LRRTM4: variants seen among roughly 807,000 people sequenced by gnomAD.
The protein encoded by LRRTM4 is leucine-rich repeat transmembrane neuronal protein 4.
Under a neutral mutation model 47.6 loss-of-function variants are expected in LRRTM4, and 25 were observed. The observed-to-expected ratio is 0.53, with a 90% CI of 0.38 to 0.73. LRRTM4 has a LOEUF of 0.73. LRRTM4 is among the 30% of genes least tolerant of loss of function. The probability of loss-of-function intolerance (pLI) is 0.00; values close to 1 mark genes in which losing one functional copy is unlikely to be tolerated. For missense variants in LRRTM4, 638 were observed against 713.4 expected, an observed-to-expected ratio of 0.89 and a Z score of 1.20; for synonymous variants, 311 against 269.5, an observed-to-expected ratio of 1.15 and a Z score of -1.51.
intron 3 of LRRTM4, among the ~76,000 whole-genome samples, chr2:77,087,836 G>C (rs923068131): frequency 1.3e-5 from 2 of 152,142 alleles, no homozygotes; most frequent in Admixed American, 1.3e-4. Flanking sequence ...TTTAAAATGT[G>C]CTAAATAACT....
intron 3 of LRRTM4, among the ~76,000 whole-genome samples, chr2:77,361,192 C>T (rs992637148): frequency 6.6e-6 from 1 of 151,644 alleles, no homozygotes; most frequent in Non-Finnish European, 1.5e-5. Flanking sequence ...TCATGTGTTT[C>T]ACCCACTCAC....
At chr2:77,337,342 T>C (rs1211759196) in intron 3 of LRRTM4, among the ~76,000 whole-genome samples, 1 of 152,092 alleles carries the variant, frequency 6.6e-6, no homozygotes, top group Non-Finnish European at 1.5e-5. Flanking sequence ...ATTATCAATG[T>C]CATTTTTTAA....
At chr2:77,435,059 C>T (rs573527002) in intron 3 of LRRTM4, among the ~76,000 whole-genome samples, 1 of 152,054 alleles carries the variant, frequency 6.6e-6, no homozygotes, top group African/African-American at 2.4e-5. Context: ...TGTTTAGCAA[C>T]ATGCCTAGCC....
intron 3 of LRRTM4, among the ~76,000 whole-genome samples, chr2:76,794,155 A>T (rs1448837867): frequency 2.0e-5 from 3 of 151,902 alleles, no homozygotes; most frequent in African/African-American, 7.3e-5. Context: ...GTTCATATGT[A>T]GGCCAGAGGT....
intron 3 of LRRTM4, among the ~76,000 whole-genome samples, chr2:76,911,278 T>C (rs976419577): frequency 7.9e-5 from 12 of 152,186 alleles, no homozygotes; most frequent in Non-Finnish European, 1.8e-4. Flanking sequence ...CCTCATCCCA[T>C]CATTTGTTAA....
intron 3 of LRRTM4, among the ~76,000 whole-genome samples, chr2:76,830,515 CGTGTGTGTGTGTGT>C (rs57566911): frequency 2.8e-5 from 4 of 144,088 alleles, no homozygotes; most frequent in South Asian, 4.4e-4. Context: ...GCAGTGTGTG[CGTGTGTGTGTGTGT>C]GTGTGTGTGT....
At chr2:77,041,446 G>T (rs1679029594) in intron 3 of LRRTM4, among the ~76,000 whole-genome samples, 1 of 151,428 alleles carries the variant, frequency 6.6e-6, no homozygotes, top group East Asian at 1.9e-4. Flanking sequence ...TAGTGAGACA[G>T]CCAGATCATA....
intron 3 of LRRTM4, among the ~76,000 whole-genome samples, chr2:77,096,749 G>C (rs1039891512): frequency 6.6e-6 from 1 of 151,292 alleles, no homozygotes; most frequent in Non-Finnish European, 1.5e-5. Flanking sequence ...TCTATTATTG[G>C]GAAAAATGAA....
intron 3 of LRRTM4, among the ~76,000 whole-genome samples, chr2:76,929,722 G>C (rs975258186): frequency 2.6e-5 from 4 of 152,218 alleles, no homozygotes; most frequent in Middle Eastern, 3.4e-3. Context: ...ATAATAAAAT[G>C]AGTGTTTACC....
At chr2:76,799,924 T>G (rs963227979) in intron 3 of LRRTM4, among the ~76,000 whole-genome samples, 16 of 150,790 alleles carry the variant, frequency 1.1e-4, no homozygotes, top group African/African-American at 3.2e-4. Context: ...CAAGGAGAAC[T>G]ACAAACCACT....
chr2:76,850,325 C>A (rs1671956052), intron 3 of LRRTM4, among the ~76,000 whole-genome samples: 1 of 152,142 alleles, frequency 6.6e-6, no homozygotes, highest in Admixed American at 6.6e-5. Context: ...TTCTGGAAGC[C>A]CAGTAAAAAC....
At chr2:76,944,503 C>T (rs568856771) in intron 3 of LRRTM4, among the ~76,000 whole-genome samples, 1 of 152,062 alleles carries the variant, frequency 6.6e-6, no homozygotes, top group Admixed American at 6.6e-5. Flanking sequence ...TATTAGTTAC[C>T]CAACAAATTT....
chr2:77,360,517 GATACGATACGATACGATACA>G (rs879763793), intron 3 of LRRTM4, among the ~76,000 whole-genome samples: 1,709 of 149,206 alleles, frequency 0.011, 15 homozygotes, highest in Non-Finnish European at 0.013. Context: ...GATACGATAC[GATACGATACGATACGATACA>G]ATACAATCAT....
intron 3 of LRRTM4, among the ~76,000 whole-genome samples, chr2:76,806,473 T>A (rs978818024): frequency 6.6e-6 from 1 of 151,974 alleles, no homozygotes; most frequent in Non-Finnish European, 1.5e-5. Flanking sequence ...CCCAGCTACT[T>A]GGAAGGCTGA....
chr2:77,095,219 A>G lies in LRRTM4; in HGVS notation c.1552-346303T>C, dbSNP rs149703770. On this transcript the variant is annotated intron_variant, in intron 3 of 3. Transcript: ENST00000409884. ...ACAGTGAGATACTACCTCATTAGTG[A>G]CAAAGTTAGAATGTCTACTATCAAA... Among the ~76,000 whole-genome samples, 108 of 152,346 alleles carry G rather than the reference A, an allele frequency of 7.1e-4. 4 individuals are homozygous for G. The East Asian group carries it at 0.019, about 27-fold the overall frequency.
chr2:77,512,712 G>T (rs990747036), intron 3 of LRRTM4, among the ~76,000 whole-genome samples: 11 of 152,038 alleles, frequency 7.2e-5, no homozygotes, highest in Admixed American at 1.3e-4. Context: ...AAGAACTAGG[G>T]ATGATTACAT....
chr2:77,460,575 G>A (rs1676749726), intron 3 of LRRTM4, among the ~76,000 whole-genome samples: 1 of 152,102 alleles, frequency 6.6e-6, no homozygotes, highest in Non-Finnish European at 1.5e-5. Context: ...TTAAAATGAT[G>A]ATCTATATGG....
At chr2:76,975,031 G>A (rs17333926) in intron 3 of LRRTM4, among the ~76,000 whole-genome samples, 18,187 of 151,516 alleles carry the variant, frequency 0.12, 1,376 homozygotes, top group Admixed American at 0.19. Context: ...TATGAGCTAT[G>A]TACAGTGATA....
At chr2:76,916,432 C>T (rs1382671277) in intron 3 of LRRTM4, among the ~76,000 whole-genome samples, 3 of 142,224 alleles carry the variant, frequency 2.1e-5, no homozygotes, top group East Asian at 2.0e-4. Context: ...TATGTATGGT[C>T]AGGAAAAATT....
Sources: allele counts gnomAD v4.1 joint callset (sites outside exome capture counted in the v4.1 genomes callset), GRCh38; gene constraint gnomAD v4.1.1; transcripts MANE v1.5; gene names NCBI Gene and HGNC (gene_info 2026-07-23, HGNC 2026-07-21).